DOCK2: variants seen among roughly 807,000 people sequenced by gnomAD.
The protein encoded by DOCK2 is dedicator of cytokinesis 2, also known as dedicator of cytokinesis protein 2.
A neutral mutation model predicts 248.9 loss-of-function variants in DOCK2; 87 were observed. That is an observed-to-expected ratio of 0.35 (90% CI 0.29 to 0.42). The LOEUF (loss-of-function observed/expected upper bound fraction) is 0.42. Among genes scored for constraint, DOCK2 ranks in the 10% least tolerant of loss-of-function variants. DOCK2 has a pLI of 1.00. For synonymous variants in DOCK2, 805 were observed against 821.6 expected (o/e 0.98, Z 0.35); for missense variants, 1,747 against 2,300.2 (o/e 0.76, Z 4.92).
intron 29 of DOCK2, among the ~76,000 whole-genome samples, chr5:169,994,893 G>C (rs1259126247): frequency 1.3e-5 from 2 of 152,150 alleles, no homozygotes; most frequent in African/African-American, 4.8e-5. Flanking sequence ...ACTGGAGGCT[G>C]CAAGACCAGT....
At chr5:170,056,378 A>G in intron 42 of DOCK2, 1 of 250,842 alleles carries the variant, frequency 4.0e-6, no homozygotes, top group Non-Finnish European at 7.6e-6. Context: ...CCTTTGTTGC[A>G]GATCACAGGA....
intron 25 of DOCK2, among the ~76,000 whole-genome samples, chr5:169,770,993 A>G (rs115559879): frequency 0.016 from 2,454 of 152,336 alleles, 69 homozygotes; most frequent in African/African-American, 0.056. Flanking sequence ...TTGCTTGGCC[A>G]TAAGGGATCA....
At position 170,008,630 on chromosome 5, in the gene DOCK2, G is replaced by A. The variant is rs1186945660; in HGVS notation, c.3173+33G>A. On this transcript the variant is annotated intron_variant, in intron 31 of 51. Coordinates refer to ENST00000520908, the MANE Select transcript of DOCK2 (RefSeq NM_004946.3). ...GCATTTTTGGATTTCCTGAAGAGGG[G>A]GAGGTCCATGAGATCCTCTGAGATG... 5.0e-6 allele frequency: 8 copies of A among 1,614,002 alleles called. 1 individual carries two copies. The South Asian group carries it at 7.7e-5, about 16-fold the overall frequency.
At chr5:169,852,146 CAGA>C (rs1770650999) in intron 27 of DOCK2, among the ~76,000 whole-genome samples, 1 of 151,904 alleles carries the variant, frequency 6.6e-6, no homozygotes, top group Admixed American at 6.6e-5. Context: ...TGCAGTCACA[CAGA>C]AGAATGACTG....
chr5:169,689,177 A>G (rs982530300), intron 8 of DOCK2, 75 bp from the exon 9 acceptor site: 1 of 1,441,024 alleles, frequency 6.9e-7, no homozygotes, highest in African/African-American at 1.4e-5. Context: ...CACATAGTAG[A>G]TGCTTGGTGA....
intron 34 of DOCK2, among the ~76,000 whole-genome samples, chr5:170,031,693 C>T (rs541925010): frequency 4.5e-4 from 69 of 152,256 alleles, no homozygotes; most frequent in Non-Finnish European, 9.3e-4. Context: ...TTCTAGAATG[C>T]CACATGTTGA....
At chr5:169,818,604 G>A (rs543491246) in intron 26 of DOCK2, among the ~76,000 whole-genome samples, 54 of 152,182 alleles carry the variant, frequency 3.5e-4, no homozygotes, top group South Asian at 1.0e-3. Context: ...TCCCTCAAAA[G>A]CATCTGATTA....
intron 46 of DOCK2, among the ~76,000 whole-genome samples, chr5:170,072,269 T>C (rs1026367475): frequency 6.6e-6 from 1 of 152,230 alleles, no homozygotes; most frequent in Non-Finnish European, 1.5e-5. Context: ...TATTATACAG[T>C]ACAGTATGTA....
rs1228115457 is a variant in DOCK2 at position 170,062,115 on chromosome 5, G to GTA, written c.4467+4450_4467+4451insAT. ...TATGTATATGAGTGTGTGTGTGTGT[G>GTA]TGTGTGTGTGTGTGAGAGAGAGAGA... On this transcript the variant is annotated intron_variant, in intron 44 of 51. Transcript: ENST00000520908. Among the ~76,000 whole-genome samples, 2 of 150,226 alleles carry GTA rather than the reference G, an allele frequency of 1.3e-5. 1 individual carries two copies. The highest frequency in any genetic ancestry group is 5.0e-5 in the African/African-American group (2 of 39,802).
chr5:170,057,268 A>T (rs1757163928), intron 43 of DOCK2: 1 of 429,696 alleles, frequency 2.3e-6, no homozygotes. Flanking sequence ...TGAGAGTCTA[A>T]TGAACACTGG....
chr5:169,743,742 T>A (rs150719682), intron 22 of DOCK2, among the ~76,000 whole-genome samples: 41 of 151,590 alleles, frequency 2.7e-4, no homozygotes, highest in African/African-American at 9.6e-4. Flanking sequence ...GCTGTAGTCA[T>A]GTCCTGTGAC....
rs1756544302 is a variant in DOCK2, at chr5:170,042,267, C to T, written c.3876+135C>T. Reference sequence around the variant, plus strand: ...TCCTAACTCTGATCACTTCTCTCCACTTCCTCTCCATCTCCATTCCTTCCA... The same window carrying T: ...TCCTAACTCTGATCACTTCTCTCCATTTCCTCTCCATCTCCATTCCTTCCA... On this transcript the variant is annotated intron_variant, in intron 38 of 51. Coordinates refer to ENST00000520908, the MANE Select transcript of DOCK2 (RefSeq NM_004946.3). The T allele has an allele frequency of 1.1e-5, 13 of 1,142,352 alleles. No homozygotes were observed. In the South Asian group the frequency reaches 1.8e-4, roughly 16 times the overall value. The allele number at this position is 1,142,352 out of a possible 1,614,324, so 70.8% of individuals were successfully genotyped here. A position where few individuals can be genotyped will look rare whatever the true frequency, so the allele number is the denominator to read the frequency against.
intron 27 of DOCK2, among the ~76,000 whole-genome samples, chr5:169,960,241 T>C (rs1777031402): frequency 6.6e-6 from 1 of 152,204 alleles, no homozygotes; most frequent in African/African-American, 2.4e-5. Flanking sequence ...TGTGTATGCC[T>C]TCCATGTCAA....
chr5:169,691,103 C>A (rs1236951521), intron 9 of DOCK2, among the ~76,000 whole-genome samples: 2 of 152,140 alleles, frequency 1.3e-5, no homozygotes, highest in Non-Finnish European at 2.9e-5. Context: ...AAGTTGCCAT[C>A]ATGGCAGAAG....
At chr5:170,076,533 G>A (rs182112160) in intron 47 of DOCK2, among the ~76,000 whole-genome samples, 1 of 152,238 alleles carries the variant, frequency 6.6e-6, no homozygotes, top group African/African-American at 2.4e-5. Flanking sequence ...GGCAGAATTT[G>A]CATCTGGCTC....
At chr5:170,012,421 T>C (rs1363595362) in intron 32 of DOCK2, among the ~76,000 whole-genome samples, 2 of 152,216 alleles carry the variant, frequency 1.3e-5, no homozygotes, top group African/African-American at 4.8e-5. Context: ...CCAGAAGCAA[T>C]CAGGGCATCA....
chr5:169,782,701 C>T (rs781411751), intron 25 of DOCK2, among the ~76,000 whole-genome samples: 2 of 152,108 alleles, frequency 1.3e-5, no homozygotes, highest in South Asian at 2.1e-4. Context: ...CAACTGCATT[C>T]GAGGTTTGCT....
intron 29 of DOCK2, among the ~76,000 whole-genome samples, chr5:169,994,026 T>C (rs1778274666): frequency 1.3e-5 from 2 of 152,180 alleles, no homozygotes; most frequent in Non-Finnish European, 2.9e-5. Context: ...CTCTGAGCAA[T>C]TGGAAGAATA....
chr5:169,637,659 G>A (rs918535049), intron 1 of DOCK2, among the ~76,000 whole-genome samples: 7 of 152,182 alleles, frequency 4.6e-5, no homozygotes, highest in African/African-American at 1.7e-4. Flanking sequence ...AGTTCTTCGC[G>A]CCAAACTCGG....
Sources: gnomAD v4.1 joint callset for allele counts (sites outside exome capture counted in the v4.1 genomes callset) on GRCh38, gnomAD v4.1.1 for gene constraint, MANE v1.5 for transcripts, NCBI Gene and HGNC (gene_info 2026-07-23, HGNC 2026-07-21) for gene names.